The following NFKBIB variants were observed in gnomAD, a reference collection of about 807,000 sequenced individuals.
The protein encoded by NFKBIB is NFKB inhibitor beta.
Under a neutral mutation model 32.1 loss-of-function variants are expected in NFKBIB, and 16 were observed. The ratio of observed to expected loss-of-function variants is 0.50; its 90% confidence interval spans 0.34 to 0.76. The LOEUF (loss-of-function observed/expected upper bound fraction) is 0.76, where lower values mean the gene tolerates loss of function less well. Among genes scored for constraint, NFKBIB ranks in the 30% least tolerant of loss-of-function variants. NFKBIB has a pLI of 0.01. For synonymous variants in NFKBIB, 222 were observed against 219.5 expected, an observed-to-expected ratio of 1.01 and a Z score of -0.10; for missense variants, 437 against 514.9, an observed-to-expected ratio of 0.85 and a Z score of 1.46.
At chr19:38,906,579 C>T (rs1027787251) in intron 3 of NFKBIB, among the ~76,000 whole-genome samples, 4 of 150,818 alleles carry the variant, frequency 2.7e-5, no homozygotes, top group Non-Finnish European at 5.9e-5. Context: ...ACACCATTCT[C>T]CTGCCTCAGC....
In NFKBIB at chr19:38,907,628, G is replaced by C. The variant is rs745366346; in HGVS notation, c.938G>C (p.Ser313Thr). Reference sequence around the variant, plus strand: ...GACGAGAAATCCGGCCCCTGCAGCAGCAGTAGCGACAGCGACAGCGGAGAC... The same window carrying C: ...GACGAGAAATCCGGCCCCTGCAGCACCAGTAGCGACAGCGACAGCGGAGAC... ...GEDEKSGPCS[S>T]SSDSDSGDEG... Residue 313 changes from serine to threonine, a missense_variant, in exon 5 of 6, where the codon AGC (serine) becomes ACC (threonine). By Grantham distance (58) the Ser-to-Thr change is moderately conservative. Coordinates refer to ENST00000313582, the MANE Select transcript of NFKBIB (RefSeq NM_002503.5). 6 of 1,610,064 alleles carry C rather than the reference G, an allele frequency of 3.7e-6. No individual in the cohort carries two copies. The highest frequency in any genetic ancestry group is 4.2e-6 in the Non-Finnish European group (5 of 1,178,720).
intron 1 of NFKBIB, among the ~76,000 whole-genome samples, chr19:38,901,848 T>C (rs1279964606): frequency 6.6e-6 from 1 of 152,132 alleles, no homozygotes; most frequent in African/African-American, 2.4e-5. Context: ...CCCAAAGTGC[T>C]GGGTTACAGG....
Position 38,900,226 on chromosome 19 carries a change from G to C in NFKBIB, c.179+15G>C, listed in dbSNP as rs773111957. On this transcript the variant is annotated intron_variant, in intron 1 of 5. Transcript: ENST00000313582. ...GATGGGGACACGTGAGTGAACCTTA[G>C]GCTGCCAAACGGAGCCCTAGGACCC... The C allele has an allele frequency of 2.2e-5, 35 of 1,584,220 alleles. No homozygotes were observed. Among genetic ancestry groups the C allele is most frequent in the Non-Finnish European group, 2.9e-5 (34 of 1,169,508 alleles).
In NFKBIB at chr19:38,907,254, A is replaced by T; in HGVS notation, c.653A>T (p.Lys218Ile). 1 of 1,613,262 alleles carries T rather than the reference A, an allele frequency of 6.2e-7. No homozygotes were observed. Among genetic ancestry groups the T allele is most frequent in the Non-Finnish European group, 8.5e-7 (1 of 1,179,490 alleles). ...HTPLHVAVIH[K>I]DVEMVRLLRD... ...CCACTCCACGTGGCCGTTATCCACA[A>T]AGATGTGGAGATGGTCCGGCTGCTC... Residue 218 changes from lysine (K) to isoleucine (I), a missense_variant, in exon 4 of 6, where the codon AAA (lysine) becomes ATA (isoleucine). By Grantham distance (102) the Lys-to-Ile change is moderately radical. Transcript: ENST00000313582.
At chr19:38,908,563 G>GAAAAGAAAATGGAGTTCTGAGAGCTAGGA in intron 5 of NFKBIB, 168 bp from the exon 6 acceptor site, 1 of 1,205,524 alleles carries the variant, frequency 8.3e-7, no homozygotes, top group South Asian at 2.7e-5. Flanking sequence ...AAAAAAGAAA[G>GAAAAGAAAATGGAGTTCTGAGAGCTAGGA]AAAAGAAAAT....
chr19:38,904,422 T>C (rs1974051807), intron 1 of NFKBIB, among the ~76,000 whole-genome samples: 1 of 152,188 alleles, frequency 6.6e-6, no homozygotes, highest in African/African-American at 2.4e-5. Context: ...ATCCGTATTC[T>C]CCGGAATACA....
chr19:38,905,191 T>G lies in NFKBIB; in HGVS notation c.286-11T>G. 6.2e-7 allele frequency: 1 copy of G among 1,603,254 alleles called. No individual in the cohort carries two copies. The highest frequency in any genetic ancestry group is 8.5e-7 in the Non-Finnish European group (1 of 1,174,312). Reference sequence around the variant, plus strand: ...GTGTGACTCCCTACCGCCTGTCCTCTGCTTCTGCAGACAGCCCTGCACCTG... The same window carrying G: ...GTGTGACTCCCTACCGCCTGTCCTCGGCTTCTGCAGACAGCCCTGCACCTG... On this transcript the variant is annotated splice_polypyrimidine_tract_variant and intron_variant, in intron 2 of 5. Transcript: ENST00000313582. This position sits in a 1 kb window ranked among gnomAD's most constrained non-coding sequence, Gnocchi z 5.5.
At chr19:38,899,940 G>C, upstream of NFKBIB, 1 of 1,301,314 alleles carries the variant, frequency 7.7e-7, no homozygotes, top group Non-Finnish European at 1.0e-6. Context: ...GGGGCGTGGT[G>C]GGGAATTTCC....
In NFKBIB at chr19:38,902,085, C is replaced by CTTTTTTTTTTTTTTTTTTTTTTTT. The variant is rs74176475; in HGVS notation, c.179+1887_179+1888insTTTTTTTTTTTTTTTTTTTTTTTT. ...CTGTATAGTGTTTTTCATTTTATTTCTTTTTTTTTTTTTGAGATGGAGTCT... is the reference window on the plus strand; with the variant it reads ...CTGTATAGTGTTTTTCATTTTATTTCTTTTTTTTTTTTTTTTTTTTTTTTTTTTTTTTTTTTTGAGATGGAGTCT... On this transcript the variant is annotated intron_variant, in intron 1 of 5. Transcript: ENST00000313582. 2.3e-4 allele frequency among the ~76,000 whole-genome samples: 21 copies of CTTTTTTTTTTTTTTTTTTTTTTTT among 92,378 alleles called. 4 individuals are homozygous for CTTTTTTTTTTTTTTTTTTTTTTTT. Among genetic ancestry groups the CTTTTTTTTTTTTTTTTTTTTTTTT allele is most frequent in the African/African-American group, 5.5e-4 (14 of 25,498 alleles). The allele number at this position is 92,378 out of a possible 152,430, so 60.6% of individuals were successfully genotyped here.
chr19:38,901,943 T>TA (rs1354794187), intron 1 of NFKBIB, among the ~76,000 whole-genome samples: 1 of 152,146 alleles, frequency 6.6e-6, no homozygotes, highest in African/African-American at 2.4e-5. Flanking sequence ...TATGATTGTG[T>TA]AAATTTATCC....
chr19:38,907,753 G>A, intron 5 of NFKBIB, 94 bp downstream of exon 5: 1 of 1,463,208 alleles, frequency 6.8e-7, no homozygotes, highest in Admixed American at 2.5e-5. Flanking sequence ...ACCGACCTTG[G>A]GCTGCTGTTA....
chr19:38,903,747 T>C (rs537681320), intron 1 of NFKBIB, among the ~76,000 whole-genome samples: 2 of 152,260 alleles, frequency 1.3e-5, no homozygotes, highest in South Asian at 2.1e-4. Flanking sequence ...GAATTTTGCC[T>C]TGTTAGTCTG....
chr19:38,902,095 TTTTGAGA>T (rs1404985691), intron 1 of NFKBIB, among the ~76,000 whole-genome samples: 1 of 135,348 alleles, frequency 7.4e-6, no homozygotes, highest in African/African-American at 2.7e-5. Context: ...CTTTTTTTTT[TTTTGAGA>T]TGGAGTCTCG....
chr19:38,908,580 C>CTGAGAG, intron 5 of NFKBIB, 151 bp from the exon 6 acceptor site: 1 of 1,287,984 alleles, frequency 7.8e-7, no homozygotes, highest in Non-Finnish European at 9.9e-7. Context: ...AAATGGAGTT[C>CTGAGAG]TGAGAGCTAG....
Position 38,900,180 on chromosome 19 carries a change from G to A in NFKBIB, c.148G>A (p.Val50Ile). ...CCCGGGGCTGTCGTGGGCTCCCCTC[G>A]TCTTCGGCTACGTCACTGAGGATGG... is the stretch of plus-strand genomic sequence containing the variant. ...LGPGLSWAPLVFGYVTEDGDT... is the reference protein window; with the variant it reads ...LGPGLSWAPLIFGYVTEDGDT... The change falls in exon 1 of 6, where the codon GTC becomes ATC. Residue 50 changes from valine (V) to isoleucine (I), a missense_variant. By Grantham distance (29) the Val-to-Ile change is conservative. Transcript: ENST00000313582. 6.2e-7 allele frequency: 1 copy of A among 1,604,124 alleles called. No homozygotes were observed. Among genetic ancestry groups the A allele is most frequent in the Non-Finnish European group, 8.5e-7 (1 of 1,177,016 alleles).
Position 38,907,493 on chromosome 19 carries a change from C to T in NFKBIB, c.803C>T (p.Ala268Val). The T allele has an allele frequency of 1.2e-6, 2 of 1,612,568 alleles. No individual in the cohort carries two copies. The highest frequency in any genetic ancestry group is 1.1e-5 in the South Asian group (1 of 91,050). Residue 268 changes from alanine to valine, a missense_variant, in exon 5 of 6, where the codon GCT becomes GTT. Physicochemically the swap from Ala to Val is moderately conservative, Grantham distance 64. Transcript: ENST00000313582. The part of the protein sequence containing the change: ...ELLLRAGANP[A>V]ARMYGGRTPL... ...CTCCTGAGGGCAGGCGCGAACCCTG[C>T]TGCCCGCATGTACGGTGGCCGCACC... is the stretch of plus-strand genomic sequence containing the variant.
chr19:38,901,265 T>A (rs972945173), intron 1 of NFKBIB, among the ~76,000 whole-genome samples: 10 of 151,772 alleles, frequency 6.6e-5, no homozygotes, highest in African/African-American at 2.2e-4. Context: ...GTTTCATTAA[T>A]TTTTTTTTAC....
chr19:38,908,713 G>C lies in NFKBIB; in HGVS notation c.970-18G>C, dbSNP rs1288418962. The C allele has an allele frequency of 3.1e-6, 5 of 1,606,614 alleles. No homozygotes were observed. In the Admixed American group the frequency reaches 6.8e-5, roughly 22 times the overall value. ...GACAGCCGCCTGAGCCCCTCTGCCT[G>C]GTCCCCTTTGCCCCCAGGATGAATA... On this transcript the variant is annotated intron_variant, in intron 5 of 5. Transcript: ENST00000313582.
At chr19:38,901,891 TTTAA>T (rs869050568) in intron 1 of NFKBIB, among the ~76,000 whole-genome samples, 177 of 152,196 alleles carry the variant, frequency 1.2e-3, no homozygotes, top group African/African-American at 4.2e-3. Flanking sequence ...GTCTCTGCCT[TTTAA>T]TTAGTGTTTA....
Sources: allele counts gnomAD v4.1 joint callset (sites outside exome capture counted in the v4.1 genomes callset), GRCh38; gene constraint gnomAD v4.1.1; non-coding constraint Gnocchi (gnomAD v3.1); transcripts MANE v1.5; gene names NCBI Gene and HGNC (gene_info 2026-07-23, HGNC 2026-07-21).